XRRA1: variants seen among roughly 807,000 people sequenced by gnomAD.
XRRA1 encodes the protein X-ray radiation resistance-associated protein 1.
Under a neutral mutation model 80.2 loss-of-function variants are expected in XRRA1, and 69 were observed. The ratio of observed to expected loss-of-function variants is 0.86; its 90% CI spans 0.71 to 1.05. The LOEUF is 1.05. Among genes scored for constraint, XRRA1 ranks in the 50% least tolerant of loss-of-function variants. The pLI is 0.00. For missense variants in XRRA1, 967 were observed against 976.4 expected, an observed-to-expected ratio of 0.99 and a Z score of 0.13; for synonymous variants, 348 against 389.9, an observed-to-expected ratio of 0.89 and a Z score of 1.27.
At chr11:74,932,520 T>C (rs1022446041) in intron 5 of XRRA1, among the ~76,000 whole-genome samples, 3 of 152,034 alleles carry the variant, frequency 2.0e-5, no homozygotes, top group Non-Finnish European at 2.9e-5. Context: ...CTCCAGCAAA[T>C]AGCACAGAGA....
At chr11:74,868,407 C>T (rs1376655469) in intron 10 of XRRA1, among the ~76,000 whole-genome samples, 1 of 152,148 alleles carries the variant, frequency 6.6e-6, no homozygotes, top group Non-Finnish European at 1.5e-5. Flanking sequence ...AAGACTGTTA[C>T]CGGCCACTAC....
chr11:74,948,317 T>C (rs906171085), intron 1 of XRRA1, among the ~76,000 whole-genome samples: 6 of 150,300 alleles, frequency 4.0e-5, no homozygotes, highest in Non-Finnish European at 7.4e-5. Context: ...TGGTGCTCAA[T>C]ATACATTTGT....
rs372013213 is a variant in XRRA1 at position 74,845,168 on chromosome 11, C to T, written c.1832G>A (p.Arg611Gln). 3.0e-5 allele frequency: 49 copies of T among 1,613,946 alleles called. No homozygotes were observed. Among genetic ancestry groups the T allele is most frequent in the East Asian group, 1.8e-4 (8 of 44,892 alleles). ...AAGGAAGGCAGTTGGGAGTTTCCTC[C>T]GAGTCCCTTTCACCTCTCTGGGTGC... is the stretch of plus-strand genomic sequence containing the variant. ...PTAPREVKGT[R>Q]RKLPTAFLPS... is the part of the protein sequence containing the mutation. Residue 611 changes from arginine (R) to glutamine (Q), a missense_variant, in exon 16 of 19, where the codon CGG becomes CAG. Coordinates refer to ENST00000684022, the MANE Select transcript of XRRA1 (RefSeq NM_001378157.1).
intron 10 of XRRA1, among the ~76,000 whole-genome samples, chr11:74,902,597 G>A (rs2053771927): frequency 6.6e-6 from 1 of 152,184 alleles, no homozygotes; most frequent in African/African-American, 2.4e-5. Context: ...TAAAAAGAAT[G>A]AGATTCTATC....
chr11:74,880,811 A>G (rs2047357472), intron 10 of XRRA1, among the ~76,000 whole-genome samples: 1 of 151,572 alleles, frequency 6.6e-6, no homozygotes, highest in Admixed American at 6.6e-5. Flanking sequence ...GTTTGATTGC[A>G]CTGTGGTCTG....
chr11:74,929,424 C>T (rs1318688660), intron 6 of XRRA1, among the ~76,000 whole-genome samples: 1 of 152,172 alleles, frequency 6.6e-6, no homozygotes, highest in Non-Finnish European at 1.5e-5. Context: ...TTATAATCCA[C>T]TCTCCTCACA....
chr11:74,846,519 A>C (rs751792316), intron 15 of XRRA1, among the ~76,000 whole-genome samples: 11 of 152,240 alleles, frequency 7.2e-5, no homozygotes, highest in Non-Finnish European at 1.5e-4. Flanking sequence ...TTATGAATAT[A>C]AATGCAAACA....
chr11:74,846,529 A>T (rs1335512072), intron 15 of XRRA1, among the ~76,000 whole-genome samples: 1 of 152,250 alleles, frequency 6.6e-6, no homozygotes, highest in African/African-American at 2.4e-5. Context: ...AAATGCAAAC[A>T]TTCTCAAAAA....
intron 10 of XRRA1, among the ~76,000 whole-genome samples, chr11:74,889,209 A>G (rs1315298): frequency 0.82 from 124,973 of 152,052 alleles, 51,618 homozygotes; most frequent in African/African-American, 0.89. Context: ...TGATCTCTTG[A>G]CAGAAACTCT....
At chr11:74,938,880 CACCT>C (rs1380092053) in intron 3 of XRRA1, among the ~76,000 whole-genome samples, 4 of 152,124 alleles carry the variant, frequency 2.6e-5, no homozygotes, top group African/African-American at 4.8e-5. Flanking sequence ...TCTGTCTACC[CACCT>C]ACCTACCTAT....
chr11:74,883,946 G>A (rs12270712), intron 10 of XRRA1, among the ~76,000 whole-genome samples: 399 of 152,144 alleles, frequency 2.6e-3, no homozygotes, highest in Admixed American at 3.5e-3. Flanking sequence ...GCCTGTAATC[G>A]CAGCACTTTG....
intron 7 of XRRA1, among the ~76,000 whole-genome samples, chr11:74,922,155 G>A (rs774668225): frequency 3.2e-4 from 49 of 150,904 alleles, no homozygotes; most frequent in Non-Finnish European, 5.9e-4. Context: ...TACTCAGGAG[G>A]CTGAGGCAGG....
intron 2 of XRRA1, among the ~76,000 whole-genome samples, chr11:74,943,524 G>GGTGTGTGTGTGTGTGTGTGTGTGT (rs67590742): frequency 0.01 from 1,436 of 137,750 alleles, 48 homozygotes; most frequent in East Asian, 0.043. Flanking sequence ...AGAGTAGGAG[G>GGTGTGTGTGTGTGTGTGTGTGTGT]GTGTGTGTGT....
At chr11:74,843,673 G>A (rs1481620620) in intron 18 of XRRA1, 181 bp downstream of exon 18, 2 of 811,628 alleles carry the variant, frequency 2.5e-6, no homozygotes, top group Non-Finnish European at 3.9e-6. Flanking sequence ...TTAACATGCT[G>A]TGTGATTTTA....
intron 8 of XRRA1, among the ~76,000 whole-genome samples, chr11:74,908,034 C>T (rs1027952331): frequency 2.0e-5 from 3 of 152,074 alleles, no homozygotes; most frequent in African/African-American, 4.8e-5. Flanking sequence ...ACACAAATAA[C>T]GTTTTCATTC....
intron 7 of XRRA1, among the ~76,000 whole-genome samples, chr11:74,922,716 ACT>A (rs1941211510): frequency 6.6e-6 from 1 of 151,936 alleles, no homozygotes; most frequent in Non-Finnish European, 1.5e-5. Flanking sequence ...GTTTGGTCTG[ACT>A]CTGCTGTAAT....
At chr11:74,918,304 G>A (rs1243827054) in intron 8 of XRRA1, among the ~76,000 whole-genome samples, 1 of 133,566 alleles carries the variant, frequency 7.5e-6, no homozygotes, top group Non-Finnish European at 1.5e-5. Context: ...TCCTTAGTGT[G>A]TGTGTGTGTG....
At chr11:74,930,080 CAGAT>C (rs1436669038) in intron 6 of XRRA1, among the ~76,000 whole-genome samples, 2 of 152,160 alleles carry the variant, frequency 1.3e-5, no homozygotes, top group Non-Finnish European at 2.9e-5. Flanking sequence ...TCTCCATTGA[CAGAT>C]AGAGAAGTAG....
At position 74,845,090 on chromosome 11, in the gene XRRA1, G is replaced by T; in HGVS notation, c.1910C>A (p.Ala637Asp). The T allele has an allele frequency of 1.9e-6, 3 of 1,613,680 alleles. No homozygotes were observed. The highest frequency in any genetic ancestry group is 2.5e-6 in the Non-Finnish European group (3 of 1,179,892). Residue 637 changes from alanine (A) to aspartate (D), a missense_variant, in exon 16 of 19, where the codon GCC becomes GAC. Coordinates refer to ENST00000684022, the MANE Select transcript of XRRA1 (RefSeq NM_001378157.1). ...TCACATACCCTTTGGCTCAATGAAG[G>T]CTGGATCAGGCTTGGCTGTCAGCAG... Reference protein sequence around the residue: ...EELLTAKPDPAFIEPKGIQKN... With the variant: ...EELLTAKPDPDFIEPKGIQKN...
Sources: gnomAD v4.1 joint callset for allele counts (sites outside exome capture counted in the v4.1 genomes callset) on GRCh38, gnomAD v4.1.1 for gene constraint, MANE v1.5 for transcripts, NCBI Gene and HGNC (gene_info 2026-07-23, HGNC 2026-07-21) for gene names.